AHNAK: variants seen among roughly 807,000 people sequenced by gnomAD.
AHNAK encodes AHNAK nucleoprotein, also known as neuroblast differentiation-associated protein AHNAK.
In AHNAK, 23 loss-of-function variants were observed where a neutral mutation model predicts 37.8. The observed-to-expected ratio is 0.61, with a 90% CI of 0.44 to 0.86. The LOEUF is 0.86. Ranked by LOEUF, AHNAK falls within the 40% of genes least tolerant of loss-of-function variation. AHNAK has a pLI of 0.00. For synonymous variants in AHNAK, 2,481 were observed against 2,636.3 expected, an observed-to-expected ratio of 0.94 and a Z score of 1.80; for missense variants, 7,411 against 7,319.4, an observed-to-expected ratio of 1.01 and a Z score of -0.46.
At position 62,524,002 on chromosome 11, in the gene AHNAK, A is replaced by G; in HGVS notation, c.10415T>C (p.Leu3472Pro). ...GGGCATTTTCATCTTGGGCATTTTC[A>G]GATTCCAGTCTGGACCATGAACATC... The part of the protein sequence containing the change: ...DVDVHGPDWN[L>P]KMPKMKMPKF... Residue 3472 changes from leucine (L) to proline (P), a missense_variant, in exon 5 of 5, where the codon CTG becomes CCG. Transcript: ENST00000378024. 4.3e-6 allele frequency: 7 copies of G among 1,614,172 alleles called. No homozygotes were observed. Among genetic ancestry groups the G allele is most frequent in the Non-Finnish European group, 5.9e-6 (7 of 1,180,040 alleles).
At chr11:62,447,130 A>C (rs545687842) in intron 5 of AHNAK, among the ~76,000 whole-genome samples, 76 of 151,910 alleles carry the variant, frequency 5.0e-4, no homozygotes, top group Non-Finnish European at 8.2e-4. Context: ...CACCCATCCC[A>C]CTCGACCTCC....
intron 5 of AHNAK, chr11:62,434,020 A>C: frequency 8.4e-7 from 1 of 1,190,646 alleles, no homozygotes; most frequent in South Asian, 1.5e-5. Context: ...GGGCATCCAA[A>C]CAAATGCTTG....
chr11:62,497,835 G>A (rs780886873), intron 4 of AHNAK, among the ~76,000 whole-genome samples: 16 of 151,896 alleles, frequency 1.1e-4, no homozygotes, highest in African/African-American at 1.5e-4. Context: ...GTGGTGGCAC[G>A]CCCCTGTAAT....
chr11:62,437,252 A>C (rs1057073876), intron 5 of AHNAK, among the ~76,000 whole-genome samples: 20 of 152,280 alleles, frequency 1.3e-4, no homozygotes, highest in African/African-American at 4.6e-4. Context: ...TTATTTCTCC[A>C]ATCTTCTGTT....
rs377467056 is a variant in AHNAK at position 62,479,201 on chromosome 11, CTT to C, written c.442+12529_442+12530del. On this transcript the variant is annotated intron_variant, in intron 5 of 5. Transcript: ENST00000257247. Reference sequence around the variant, plus strand: ...TTTTTTTTTGATACGGAGTTTCCCTCTTGTTACCCAGGTTGGGGTACAATGGC... The same window carrying C: ...TTTTTTTTTGATACGGAGTTTCCCTCGTTACCCAGGTTGGGGTACAATGGC... Among the ~76,000 whole-genome samples, 140 of 97,962 alleles carry C rather than the reference CTT, an allele frequency of 1.4e-3. No individual in the cohort carries two copies. The Middle Eastern group carries it at 0.058, about 40-fold the overall frequency. The allele number at this position is 97,962 out of a possible 152,430, so 64.3% of individuals were successfully genotyped here.
chr11:62,505,103 T>C (rs1053062092), intron 4 of AHNAK, among the ~76,000 whole-genome samples: 2 of 152,232 alleles, frequency 1.3e-5, no homozygotes, highest in South Asian at 4.1e-4. Context: ...TGTTTGGGCA[T>C]TGGGGACCCA....
chr11:62,438,340 G>T (rs1344962547), intron 5 of AHNAK, among the ~76,000 whole-genome samples: 1 of 151,682 alleles, frequency 6.6e-6, no homozygotes, highest in Non-Finnish European at 1.5e-5. Context: ...CTGCCACCAC[G>T]TCCAGCTAAT....
At position 62,522,131 on chromosome 11, in the gene AHNAK, CT is replaced by C; in HGVS notation, c.12285del (p.Val4096TrpfsTer17). On this transcript the variant is annotated frameshift_variant, in exon 5 of 5. Coordinates refer to ENST00000378024, the MANE Select transcript of AHNAK (RefSeq NM_001620.3). LOFTEE classifies it low-confidence loss of function (END_TRUNC). ...TCAATATCAGGAGTGTCAATGTCCACTTTGGGTCCTGAGACATCAATGTCAG... is the reference window on the plus strand; with the variant it reads ...TCAATATCAGGAGTGTCAATGTCCACTTGGGTCCTGAGACATCAATGTCAG... ...PKADIDVSGPKVDIDTPDIDI... is the reference protein window; with the variant it reads ...PKADIDVSGPXVDIDTPDIDI... 1 of 1,613,952 alleles carries C rather than the reference CT, an allele frequency of 6.2e-7. No individual in the cohort carries two copies. Among genetic ancestry groups the C allele is most frequent in the Non-Finnish European group, 8.5e-7 (1 of 1,180,000 alleles).
At chr11:62,538,954 A>G (rs1236869915) in intron 1 of AHNAK, among the ~76,000 whole-genome samples, 1 of 152,136 alleles carries the variant, frequency 6.6e-6, no homozygotes. Context: ...TGAAAGAGAA[A>G]CACAGACCCC....
chr11:62,533,483 G>A lies in AHNAK; in HGVS notation c.934C>T (p.Pro312Ser). ...GKIKFPTMKV[P>S]KFGVSTGREG... ...CGCCCTGTTGAGACACCAAATTTCG[G>A]CACTTTCATGGTGGGAAATTTAATT... The change falls in exon 5 of 5, where the codon CCG (proline) becomes TCG (serine). Residue 312 changes from proline to serine, a missense_variant. By Grantham distance (74) the Pro-to-Ser change is moderately conservative. Transcript: ENST00000378024. The A allele has an allele frequency of 1.9e-6, 3 of 1,614,098 alleles. No homozygotes were observed. Among genetic ancestry groups the A allele is most frequent in the South Asian group, 1.1e-5 (1 of 91,080 alleles).
intron 5 of AHNAK, among the ~76,000 whole-genome samples, chr11:62,467,134 G>A (rs1279979305): frequency 6.6e-6 from 1 of 150,876 alleles, no homozygotes; most frequent in Admixed American, 6.6e-5. Flanking sequence ...AGCCCAGGAG[G>A]CAGAGAGGCA....
rs1194826462 is a variant in AHNAK, at chr11:62,530,197, G to C, written c.4220C>G (p.Pro1407Arg). The C allele has an allele frequency of 6.2e-7, 1 of 1,612,124 alleles. No homozygotes were observed. The highest frequency in any genetic ancestry group is 1.1e-5 in the South Asian group (1 of 90,982). ...GEGPEVDVKL[P>R]KADVDVSGPK... ...TCCTGAGACATCAACGTCAGCTTTGGGCAGCTTCACATCCACTTCAGGGCC... is the reference window on the plus strand; with the variant it reads ...TCCTGAGACATCAACGTCAGCTTTGCGCAGCTTCACATCCACTTCAGGGCC... Residue 1407 changes from proline (P) to arginine (R), a missense_variant, in exon 5 of 5, where the codon CCC becomes CGC. Coordinates refer to ENST00000378024, the MANE Select transcript of AHNAK (RefSeq NM_001620.3).
At chr11:62,446,084 G>A (rs1473833324) in intron 5 of AHNAK, among the ~76,000 whole-genome samples, 1 of 152,156 alleles carries the variant, frequency 6.6e-6, no homozygotes, top group Non-Finnish European at 1.5e-5. Context: ...AGGCTCCCCA[G>A]GGAGGGATGC....
intron 5 of AHNAK, among the ~76,000 whole-genome samples, chr11:62,462,594 G>T (rs976099022): frequency 9.2e-5 from 14 of 152,150 alleles, no homozygotes; most frequent in Non-Finnish European, 1.2e-4. Flanking sequence ...GTTGATAAAC[G>T]GTAGATAGAT....
chr11:62,454,176 G>A (rs1252929673), intron 5 of AHNAK, among the ~76,000 whole-genome samples: 1 of 151,686 alleles, frequency 6.6e-6, no homozygotes, highest in Non-Finnish European at 1.5e-5. Context: ...CACTTTGGGA[G>A]GCGGAGGCGG....
At chr11:62,497,394 A>G (rs1939630214) in intron 4 of AHNAK, among the ~76,000 whole-genome samples, 1 of 152,158 alleles carries the variant, frequency 6.6e-6, no homozygotes, top group African/African-American at 2.4e-5. Flanking sequence ...GGGAAGGGGG[A>G]GGTCACTCCC....
At position 62,523,207 on chromosome 11, in the gene AHNAK, T is replaced by C. The variant is rs1940334113; in HGVS notation, c.11210A>G (p.Glu3737Gly). The change falls in exon 5 of 5, where the codon GAG becomes GGG. Residue 3737 changes from glutamate to glycine, a missense_variant. By Grantham distance (98) the Glu-to-Gly change is moderately conservative. Coordinates refer to ENST00000378024, the MANE Select transcript of AHNAK (RefSeq NM_001620.3). ...TATTTTGGGAGCCTTCAGGTGCATC[T>C]CTGGTATCTTAAATTTGGGTCCCTT... Reference protein sequence around the residue: ...KFKGPKFKIPEMHLKAPKISM... With the variant: ...KFKGPKFKIPGMHLKAPKISM... The C allele has an allele frequency of 1.2e-6, 2 of 1,613,842 alleles. No homozygotes were observed. The highest frequency in any genetic ancestry group is 1.7e-6 in the Non-Finnish European group (2 of 1,180,006).
At chr11:62,434,091 G>A (rs1245390027) in intron 5 of AHNAK, among the ~76,000 whole-genome samples, 4 of 152,214 alleles carry the variant, frequency 2.6e-5, no homozygotes, top group Admixed American at 2.0e-4. Flanking sequence ...GTCTTGCCAC[G>A]CCTCCCTCTG....
intron 5 of AHNAK, among the ~76,000 whole-genome samples, chr11:62,440,197 G>A (rs774521262): frequency 6.6e-5 from 10 of 152,132 alleles, no homozygotes; most frequent in Non-Finnish European, 1.3e-4. Flanking sequence ...AGGTAGAATC[G>A]TGGCTTTCTC....
Sources: allele counts gnomAD v4.1 joint callset (sites outside exome capture counted in the v4.1 genomes callset), GRCh38; gene constraint gnomAD v4.1.1; transcripts MANE v1.5; gene names NCBI Gene and HGNC (gene_info 2026-07-23, HGNC 2026-07-21).